The following RSU1 variants were observed in gnomAD, a reference collection of about 807,000 sequenced individuals.
RSU1 encodes the protein Ras suppressor protein 1, also known as rsu-1.
Under a neutral mutation model 31.1 loss-of-function variants are expected in RSU1, and 26 were observed. The ratio of observed to expected loss-of-function variants is 0.84; its 90% CI spans 0.61 to 1.16. RSU1 has a LOEUF of 1.16. Among genes scored for constraint, RSU1 ranks in the 50% most tolerant of loss-of-function variants. The pLI is 0.00. For missense variants in RSU1, 320 were observed against 339.1 expected (o/e 0.94, Z 0.44); for synonymous variants, 164 against 136.3 (o/e 1.20, Z -1.41).
intron 7 of RSU1, among the ~76,000 whole-genome samples, chr10:16,730,313 C>G (rs1178176461): frequency 6.6e-6 from 1 of 152,166 alleles, no homozygotes; most frequent in East Asian, 1.9e-4. Flanking sequence ...TTGGAGGGGA[C>G]AAACATCCAA....
intron 4 of RSU1, among the ~76,000 whole-genome samples, chr10:16,760,413 G>T (rs139272320): frequency 0.031 from 4,636 of 151,758 alleles, 129 homozygotes; most frequent in East Asian, 0.11. Flanking sequence ...GGAGGCTGAG[G>T]CAGGAGAATC....
At chr10:16,610,361 T>C (rs1488552201) in intron 8 of RSU1, among the ~76,000 whole-genome samples, 2 of 152,174 alleles carry the variant, frequency 1.3e-5, no homozygotes, top group Non-Finnish European at 1.5e-5. Flanking sequence ...GACGGCCCCT[T>C]TCCTGTCATC....
chr10:16,685,753 C>T (rs746167340), intron 8 of RSU1, among the ~76,000 whole-genome samples: 4 of 152,214 alleles, frequency 2.6e-5, no homozygotes, highest in African/African-American at 9.7e-5. Flanking sequence ...AATGCTTTAA[C>T]CATCTGGGAA....
chr10:16,815,079 C>T (rs1838499166), intron 2 of RSU1, among the ~76,000 whole-genome samples: 1 of 152,248 alleles, frequency 6.6e-6, no homozygotes, highest in East Asian at 1.9e-4. Flanking sequence ...TCTCTTTCTC[C>T]TCTGTATCAA....
intron 2 of RSU1, among the ~76,000 whole-genome samples, chr10:16,794,885 G>C (rs1190413077): frequency 3.9e-5 from 6 of 152,214 alleles, no homozygotes; most frequent in Admixed American, 2.6e-4. Context: ...TAGCAGGTGA[G>C]ACCTGCCCTG....
intron 7 of RSU1, among the ~76,000 whole-genome samples, chr10:16,750,465 G>T (rs1836955118): frequency 6.6e-6 from 1 of 152,142 alleles, no homozygotes; most frequent in African/African-American, 2.4e-5. Context: ...GAACAAATAT[G>T]ACCTCATGCA....
chr10:16,615,645 C>T (rs1833963083), intron 8 of RSU1, among the ~76,000 whole-genome samples: 1 of 152,212 alleles, frequency 6.6e-6, no homozygotes, highest in South Asian at 2.1e-4. Context: ...TAAAACGCTC[C>T]TCAGCATGTG....
chr10:16,773,517 T>C (rs1216981359), intron 3 of RSU1, among the ~76,000 whole-genome samples: 1 of 152,182 alleles, frequency 6.6e-6, no homozygotes, highest in Non-Finnish European at 1.5e-5. Context: ...TAACGGGACG[T>C]CAAGTGCACA....
chr10:16,761,669 A>G (rs906326507), intron 4 of RSU1, among the ~76,000 whole-genome samples: 4 of 152,070 alleles, frequency 2.6e-5, no homozygotes, highest in African/African-American at 9.7e-5. Flanking sequence ...ATCCTGGCTA[A>G]CACCGCAAAA....
chr10:16,768,413 TTGAG>T (rs1837360500), intron 3 of RSU1, among the ~76,000 whole-genome samples: 1 of 152,220 alleles, frequency 6.6e-6, no homozygotes, highest in African/African-American at 2.4e-5. Context: ...TGACAGAGAA[TTGAG>T]TATCATTTTC....
intron 2 of RSU1, among the ~76,000 whole-genome samples, chr10:16,792,924 T>C (rs1837955917): frequency 1.3e-5 from 2 of 152,220 alleles, no homozygotes; most frequent in African/African-American, 4.8e-5. Flanking sequence ...GAGCTCTGCA[T>C]CTCCGTGATG....
chr10:16,618,383 G>A (rs888685746), intron 8 of RSU1, among the ~76,000 whole-genome samples: 2 of 152,178 alleles, frequency 1.3e-5, no homozygotes, highest in African/African-American at 4.8e-5. Flanking sequence ...TGGTGGGAGT[G>A]TAAATTAGTT....
chr10:16,809,924 TA>T (rs1232610325), intron 2 of RSU1, among the ~76,000 whole-genome samples: 4 of 138,460 alleles, frequency 2.9e-5, no homozygotes, highest in East Asian at 2.1e-4. Flanking sequence ...TAGATAATTT[TA>T]AAATTCAATA....
chr10:16,710,613 A>T (rs1835998517), intron 7 of RSU1, among the ~76,000 whole-genome samples: 2 of 136,496 alleles, frequency 1.5e-5, no homozygotes, highest in Non-Finnish European at 3.1e-5. Context: ...TGTAGAATTC[A>T]GTAGTGAAGC....
chr10:16,788,577 C>T (rs1418132292), intron 2 of RSU1, among the ~76,000 whole-genome samples: 1 of 152,194 alleles, frequency 6.6e-6, no homozygotes, highest in Non-Finnish European at 1.5e-5. Flanking sequence ...ATTTTCCAGG[C>T]TTCAAAACCA....
At chr10:16,708,861 T>C (rs11814267) in intron 7 of RSU1, among the ~76,000 whole-genome samples, 1,857 of 151,948 alleles carry the variant, frequency 0.012, 31 homozygotes, top group African/African-American at 0.042. Flanking sequence ...TCTTGATTTC[T>C]TTTTCAGATA....
At chr10:16,630,510 A>G (rs1834229558) in intron 8 of RSU1, among the ~76,000 whole-genome samples, 2 of 152,186 alleles carry the variant, frequency 1.3e-5, no homozygotes, top group Non-Finnish European at 2.9e-5. Context: ...CAGCTCCATG[A>G]AGTATCTGCC....
At chr10:16,623,578 T>TTTAA (rs1197214784) in intron 8 of RSU1, among the ~76,000 whole-genome samples, 6 of 152,214 alleles carry the variant, frequency 3.9e-5, no homozygotes, top group Non-Finnish European at 8.8e-5. Flanking sequence ...GTAATTCTGT[T>TTTAA]TTAAGTTCCA....
chr10:16,592,982 T>TCGTATCA lies in RSU1; in HGVS notation c.*411_*412insTGATACG. On this transcript the variant is annotated 3_prime_UTR_variant, in exon 9 of 9. Transcript: ENST00000345264. ...CATATCTCGGTGGTGAAGGAAGACT[T>TCGTATCA]TTAATAAAGCAAAATAATGAGTTAG... The TCGTATCA allele has an allele frequency of 6.4e-6, 1 of 155,628 alleles. No homozygotes were observed. The highest frequency in any genetic ancestry group is 1.4e-5 in the Non-Finnish European group (1 of 70,300). 9.6% of individuals were successfully genotyped at this position (155,628 alleles called of 1,614,324 possible). A position where few individuals can be genotyped will look rare whatever the true frequency, so the allele number is the denominator to read the frequency against.
Sources: gnomAD v4.1 joint callset for allele counts (sites outside exome capture counted in the v4.1 genomes callset) on GRCh38, gnomAD v4.1.1 for gene constraint, MANE v1.5 for transcripts, NCBI Gene and HGNC (gene_info 2026-07-23, HGNC 2026-07-21) for gene names.